Variants in MAP6D1 observed in about 807,000 individuals in gnomAD.
MAP6D1 encodes the protein MAP6 domain containing 1.
MAP6D1 carries 13 observed loss-of-function variants against 17.4 expected under a neutral mutation model. That is an observed-to-expected ratio of 0.75 (90% CI 0.49 to 1.19). MAP6D1 has a LOEUF of 1.19. Among genes scored for constraint, MAP6D1 ranks in the 50% most tolerant of loss-of-function variants. MAP6D1 has a pLI of 0.00. For synonymous variants in MAP6D1, 141 were observed against 145.7 expected, an observed-to-expected ratio of 0.97 and a Z score of 0.23; for missense variants, 313 against 312.6, an observed-to-expected ratio of 1.00 and a Z score of -0.01.
Position 183,821,541 on chromosome 3 carries a change from C to CTTTT in MAP6D1, c.402-3434_402-3431dup, listed in dbSNP as rs59131602. On this transcript the variant is annotated intron_variant, in intron 1 of 2. Transcript: ENST00000318631. Reference sequence around the variant, plus strand: ...CATGTTCCACACAGATGAGGGATTGCTTTTTTTTTTTTTTTTTTTTTTGAG... The same window carrying CTTTT: ...CATGTTCCACACAGATGAGGGATTGCTTTTTTTTTTTTTTTTTTTTTTTTTTGAG... Among the ~76,000 whole-genome samples, 56 of 98,106 alleles carry CTTTT rather than the reference C, an allele frequency of 5.7e-4. 2 individuals carry two copies. The highest frequency in any genetic ancestry group is 7.1e-4 in the South Asian group (2 of 2,810). 64.4% of individuals were successfully genotyped at this position (98,106 alleles called of 152,430 possible).
chr3:183,818,051 G>A lies in MAP6D1; in HGVS notation c.462C>T (p.Ala154=), dbSNP rs897149883. 2 of 1,614,186 alleles carry A rather than the reference G, an allele frequency of 1.2e-6. No individual in the cohort carries two copies. The highest frequency in any genetic ancestry group is 3.3e-5 in the Admixed American group (2 of 60,016). Residue 154 remains alanine (A), a synonymous_variant, in exon 2 of 3, where the codon GCC becomes GCT. Coordinates refer to ENST00000318631, the MANE Select transcript of MAP6D1 (RefSeq NM_024871.4). ...CCGAAGTGTGGGTTGTGATGACTCG[G>A]GCTGGTTTTGTCTTTGTGGATCTTG... ...KPSRSTKTKP[A]RVITTHTSGW...
At chr3:183,825,570 CCGCTCCCGGCGCGCGG>C (rs1456958513) in exon 1 of MAP6D1, 47 of 1,187,062 alleles carry the variant, frequency 4.0e-5, no homozygotes, top group Admixed American at 3.2e-4. Context: ...GCCCGCCGCC[CCGCTCCCGGCGCGCGG>C]CGCTCCCGGC....
intron 1 of MAP6D1, among the ~76,000 whole-genome samples, chr3:183,818,403 C>A (rs1727169959): frequency 2.0e-5 from 3 of 152,252 alleles, no homozygotes; most frequent in Non-Finnish European, 2.9e-5. Flanking sequence ...CTTATTCTCA[C>A]ACTGCAGGCG....
At chr3:183,821,541 C>CTTTTTTTT (rs59131602) in intron 1 of MAP6D1, among the ~76,000 whole-genome samples, 6 of 98,124 alleles carry the variant, frequency 6.1e-5, no homozygotes, top group Non-Finnish European at 9.5e-5. Context: ...TGAGGGATTG[C>CTTTTTTTT]TTTTTTTTTT....
chr3:183,821,793 G>A (rs1279358192), intron 1 of MAP6D1, among the ~76,000 whole-genome samples: 2 of 151,936 alleles, frequency 1.3e-5, no homozygotes, highest in Admixed American at 1.3e-4. Context: ...CTCCCAAAGT[G>A]CTGGGGTTAT....
intron 1 of MAP6D1, among the ~76,000 whole-genome samples, chr3:183,820,915 A>G (rs1234974777): frequency 6.7e-6 from 1 of 149,582 alleles, no homozygotes; most frequent in African/African-American, 2.5e-5. Context: ...TCAAATAAAT[A>G]AATAAATAAT....
intron 1 of MAP6D1, among the ~76,000 whole-genome samples, chr3:183,821,912 C>A (rs552599536): frequency 1.8e-4 from 27 of 152,160 alleles, no homozygotes; most frequent in Non-Finnish European, 2.9e-4. Flanking sequence ...CCGTCCATCT[C>A]GGCCTCCCAA....
chr3:183,817,846 T>C (rs1436721859), intron 2 of MAP6D1, 148 bp downstream of exon 2: 1 of 710,524 alleles, frequency 1.4e-6, no homozygotes, highest in African/African-American at 1.8e-5. Flanking sequence ...GATGAGGAAG[T>C]ACCTTGGGTT....
At position 183,817,110 on chromosome 3, in the gene MAP6D1, G is replaced by A; in HGVS notation, c.*246C>T. The A allele has an allele frequency of 2.0e-6, 1 of 498,966 alleles. No individual in the cohort carries two copies. Among genetic ancestry groups the A allele is most frequent in the East Asian group, 3.7e-5 (1 of 27,010 alleles). 30.9% of individuals were successfully genotyped at this position (498,966 alleles called of 1,614,324 possible). The stretch of plus-strand genomic sequence containing the variant: ...TTCAAAACTGAGAGACGGCCAGATG[G>A]CAGTTAACGAACGCAGGAGCCTTCC... On this transcript the variant is annotated 3_prime_UTR_variant, in exon 3 of 3. Transcript: ENST00000318631.
intron 1 of MAP6D1, 69 bp from the exon 2 acceptor site, chr3:183,818,180 G>GAGCAGCAGCCC: frequency 1.5e-6 from 2 of 1,316,176 alleles, no homozygotes; most frequent in Non-Finnish European, 2.2e-6. Flanking sequence ...CCCAGGGGCT[G>GAGCAGCAGCCC]CTGCTCTGCC....
In MAP6D1 at chr3:183,818,061, G is replaced by T; in HGVS notation, c.452C>A (p.Thr151Lys). The change falls in exon 2 of 3, where the codon ACA becomes AAA. Residue 151 changes from threonine to lysine, a missense_variant. Transcript: ENST00000318631. ...GGTTGTGATGACTCGGGCTGGTTTT[G>T]TCTTTGTGGATCTTGAGGGCTTCAC... ...TGVKPSRSTKTKPARVITTHT... is the reference protein window; with the variant it reads ...TGVKPSRSTKKKPARVITTHT... The T allele has an allele frequency of 6.2e-7, 1 of 1,614,154 alleles. No individual in the cohort carries two copies. Among genetic ancestry groups the T allele is most frequent in the Non-Finnish European group, 8.5e-7 (1 of 1,180,032 alleles).
Position 183,817,311 on chromosome 3 carries a change from C to T in MAP6D1, c.*45G>A. 1 of 1,539,154 alleles carries T rather than the reference C, an allele frequency of 6.5e-7. No individual in the cohort carries two copies. Among genetic ancestry groups the T allele is most frequent in the Non-Finnish European group, 8.8e-7 (1 of 1,136,686 alleles). On this transcript the variant is annotated 3_prime_UTR_variant, in exon 3 of 3. Coordinates refer to ENST00000318631, the MANE Select transcript of MAP6D1 (RefSeq NM_024871.4). ...GCGGCAGTGGGTCCTGAGGCCGCTC[C>T]CCAGCCCTGTCCTGTCGGCAGCCAT...
chr3:183,821,498 CAGG>C (rs1454148344), intron 1 of MAP6D1, among the ~76,000 whole-genome samples: 1 of 149,800 alleles, frequency 6.7e-6, no homozygotes, highest in African/African-American at 2.5e-5. Flanking sequence ...GAGGGCCCGG[CAGG>C]ACATTCACTC....
At position 183,825,326 on chromosome 3, in the gene MAP6D1, G is replaced by A. The variant is rs763828394; in HGVS notation, c.222C>T (p.Gly74=). The stretch of plus-strand genomic sequence containing the variant: ...TGGGCCCGGCGGGCGTGGTCCACAA[G>A]CCGAAGTCCCGCTGGTACTGAGTGA... ...VPLTQYQRDF[G]LWTTPAGPKD... is the part of the protein sequence containing the mutation. Residue 74 remains glycine (G), a synonymous_variant, in exon 1 of 3, where the codon GGC becomes GGT. Coordinates refer to ENST00000318631, the MANE Select transcript of MAP6D1 (RefSeq NM_024871.4). 7 of 1,378,914 alleles carry A rather than the reference G, an allele frequency of 5.1e-6. No homozygotes were observed. Among genetic ancestry groups the A allele is most frequent in the East Asian group, 3.1e-5 (1 of 32,256 alleles). The allele number at this position is 1,378,914 out of a possible 1,614,324, so 85.4% of individuals were successfully genotyped here.
chr3:183,821,769 C>T (rs1727264661), intron 1 of MAP6D1, among the ~76,000 whole-genome samples: 1 of 151,926 alleles, frequency 6.6e-6, no homozygotes, highest in Admixed American at 6.6e-5. Flanking sequence ...AACTTGGGAT[C>T]TGCCCATCTC....
intron 1 of MAP6D1, among the ~76,000 whole-genome samples, chr3:183,824,142 T>C (rs945685442): frequency 3.5e-4 from 53 of 152,348 alleles, no homozygotes; most frequent in African/African-American, 1.1e-3. Context: ...TGTTGTACAA[T>C]GTCTCCACCT....
chr3:183,825,298 C>A lies in MAP6D1; in HGVS notation c.250G>T (p.Asp84Tyr). ...GLWTTPAGPK[D>Y]PPPGRGPGAG... ...CCCGGTCCGCGCCCCGGCGGCGGATCCTTGGGCCCGGCGGGCGTGGTCCAC... is the reference window on the plus strand; with the variant it reads ...CCCGGTCCGCGCCCCGGCGGCGGATACTTGGGCCCGGCGGGCGTGGTCCAC... The change falls in exon 1 of 3, where the codon GAT becomes TAT. Residue 84 changes from aspartate (D) to tyrosine (Y), a missense_variant. By Grantham distance (160) the Asp-to-Tyr change is radical. Coordinates refer to ENST00000318631, the MANE Select transcript of MAP6D1 (RefSeq NM_024871.4). 1 of 1,338,398 alleles carries A rather than the reference C, an allele frequency of 7.5e-7. No individual in the cohort carries two copies. The highest frequency in any genetic ancestry group is 9.6e-7 in the Non-Finnish European group (1 of 1,046,450). 82.9% of individuals were successfully genotyped at this position (1,338,398 alleles called of 1,614,324 possible).
intron 1 of MAP6D1, among the ~76,000 whole-genome samples, chr3:183,819,119 G>A (rs759533630): frequency 3.9e-5 from 6 of 152,222 alleles, no homozygotes; most frequent in African/African-American, 7.2e-5. Context: ...GGACACTGCC[G>A]GGGTTGGGCT....
At chr3:183,825,005 G>A in intron 1 of MAP6D1, 142 bp downstream of exon 1, 1 of 929,624 alleles carries the variant, frequency 1.1e-6, no homozygotes, top group Non-Finnish European at 1.4e-6. Flanking sequence ...TGACCTCTGA[G>A]GCCGCCGGCA....
Sources: gnomAD v4.1 joint callset for allele counts (sites outside exome capture counted in the v4.1 genomes callset) on GRCh38, gnomAD v4.1.1 for gene constraint, MANE v1.5 for transcripts, NCBI Gene and HGNC (gene_info 2026-07-23, HGNC 2026-07-21) for gene names.